POM121: variants seen among roughly 807,000 people sequenced by gnomAD.
POM121 encodes POM121 transmembrane nucleoporin.
A neutral mutation model predicts 81.3 loss-of-function variants in POM121; 32 were observed. The observed-to-expected ratio is 0.39, with a 90% CI of 0.30 to 0.53. POM121 has a LOEUF of 0.53. Ranked by LOEUF, POM121 falls within the 20% of genes least tolerant of loss-of-function variation. The pLI, the probability that POM121 is intolerant of heterozygous loss-of-function variation, is 0.66. For synonymous variants in POM121, 514 were observed against 694.2 expected, an observed-to-expected ratio of 0.74 and a Z score of 4.08; for missense variants, 1,138 against 1,614.6, an observed-to-expected ratio of 0.70 and a Z score of 5.06.
At chr7:72,899,699 C>T (rs1259365726) in intron 3 of POM121, among the ~76,000 whole-genome samples, 6 of 151,862 alleles carry the variant, frequency 4.0e-5, no homozygotes, top group Non-Finnish European at 8.8e-5. Flanking sequence ...CTGCCTCAGC[C>T]TCCCAAGTAG....
intron 4 of POM121, among the ~76,000 whole-genome samples, chr7:72,914,554 TGTAGAGATAGGGTCTCGCC>T (rs1434224127): frequency 3.3e-5 from 5 of 149,994 alleles, no homozygotes; most frequent in African/African-American, 1.0e-4. Flanking sequence ...AGGGTCTCGC[TGTAGAGATAGGGTCTCGCC>T]GTATTGCTGA....
At position 72,925,465 on chromosome 7, in the gene POM121, C is replaced by G; in HGVS notation, c.344C>G (p.Ala115Gly). 1.3e-6 allele frequency: 2 copies of G among 1,533,804 alleles called. No individual in the cohort carries two copies. The highest frequency in any genetic ancestry group is 8.7e-7 in the Non-Finnish European group (1 of 1,146,580). ...LFASPLAKST[A>G]NGNLLEPRTL... Reference sequence around the variant, plus strand: ...GCTTCGCCTCTGGCCAAGTCGACAGCCAACGGAAACCTCCTAGAGCCGCGG... The same window carrying G: ...GCTTCGCCTCTGGCCAAGTCGACAGGCAACGGAAACCTCCTAGAGCCGCGG... The change falls in exon 1 of 13, where the codon GCC becomes GGC. Residue 115 changes from alanine to glycine, a missense_variant. By Grantham distance (60) the Ala-to-Gly change is moderately conservative (BLOSUM62 0). Around this residue, in one of 7 missense-constraint regions of POM121, gnomAD observed 646 missense variants for 633.5 expected, o/e 1.02. Coordinates refer to ENST00000434423, the MANE Select transcript of POM121 (RefSeq NM_001387691.1).
At chr7:72,882,526 T>C (rs549021787) in intron 1 of POM121, among the ~76,000 whole-genome samples, 2 of 152,354 alleles carry the variant, frequency 1.3e-5, no homozygotes, top group East Asian at 3.9e-4. Context: ...ATTAAATTGC[T>C]GACTTATGGC....
At chr7:72,910,415 G>A (rs1380847898) in intron 3 of POM121, among the ~76,000 whole-genome samples, 3 of 152,140 alleles carry the variant, frequency 2.0e-5, no homozygotes, top group African/African-American at 4.8e-5. Flanking sequence ...AATATTCTGC[G>A]GTGGGTGGGA....
chr7:72,914,570 C>T (rs1239091322), intron 4 of POM121, among the ~76,000 whole-genome samples: 3 of 150,244 alleles, frequency 2.0e-5, no homozygotes, highest in Non-Finnish European at 2.9e-5. Context: ...GATAGGGTCT[C>T]GCCGTATTGC....
chr7:72,936,433 A>G (rs1796512793), intron 5 of POM121, among the ~76,000 whole-genome samples: 1 of 149,986 alleles, frequency 6.7e-6, no homozygotes, highest in South Asian at 2.1e-4. Context: ...ACCTGCCACC[A>G]CACCCGGCTA....
chr7:72,945,794 G>A (rs237934), intron 12 of POM121, 86 bp downstream of exon 12: 19 of 1,517,226 alleles, frequency 1.3e-5, no homozygotes, highest in South Asian at 5.1e-5. Context: ...TCTGAGGCCC[G>A]GTGAAGATCA....
chr7:72,922,991 C>G (rs1794959856), upstream of POM121, among the ~76,000 whole-genome samples: 1 of 151,914 alleles, frequency 6.6e-6, no homozygotes, highest in Non-Finnish European at 1.5e-5. Context: ...AGTAGGGAGT[C>G]TGCAGTCACT....
At chr7:72,934,179 G>C (rs1389776754) in intron 5 of POM121, among the ~76,000 whole-genome samples, 1 of 151,866 alleles carries the variant, frequency 6.6e-6, no homozygotes, top group Admixed American at 6.6e-5. Context: ...CCACCTCCTG[G>C]GTTCAAGCAA....
intron 1 of POM121, among the ~76,000 whole-genome samples, chr7:72,883,374 A>G (rs1790357557): frequency 6.6e-6 from 1 of 152,200 alleles, no homozygotes; most frequent in African/African-American, 2.4e-5. Flanking sequence ...GGCTGGTCTC[A>G]AACTCCTGGC....
rs1797722116 is a variant in POM121, at chr7:72,946,707, T to C, written c.*473T>C. 4 of 972,180 alleles carry C rather than the reference T, an allele frequency of 4.1e-6. No individual in the cohort carries two copies. The highest frequency in any genetic ancestry group is 1.9e-5 in the African/African-American group (1 of 52,940). The allele number at this position is 972,180 out of a possible 1,614,324, so 60.2% of individuals were successfully genotyped here. A position where few individuals can be genotyped will look rare whatever the true frequency, so the allele number is the denominator to read the frequency against. ...GGCTTAGCTGTGAGAAGTGGTTCTC[T>C]TCCTCTGGTCCCTTCTGGGGACTCT... On this transcript the variant is annotated 3_prime_UTR_variant, in exon 13 of 13. Coordinates refer to ENST00000434423, the MANE Select transcript of POM121 (RefSeq NM_001387691.1).
chr7:72,919,948 G>C (rs1165250268), intron 4 of POM121, among the ~76,000 whole-genome samples: 2 of 152,122 alleles, frequency 1.3e-5, no homozygotes, highest in African/African-American at 2.4e-5. Flanking sequence ...AACATGTACT[G>C]TTTTCCCAGC....
chr7:72,887,575 G>GCAA (rs1397508723), intron 1 of POM121, among the ~76,000 whole-genome samples: 1 of 152,134 alleles, frequency 6.6e-6, no homozygotes, highest in Admixed American at 6.6e-5. Context: ...TGTAATCACA[G>GCAA]CAACAACAAC....
At position 72,928,438 on chromosome 7, in the gene POM121, A is replaced by G. The variant is rs147859349; in HGVS notation, c.1076A>G (p.Asn359Ser). 71 of 1,614,254 alleles carry G rather than the reference A, an allele frequency of 4.4e-5. 1 individual carries two copies. Among genetic ancestry groups the G allele is most frequent in the South Asian group, 9.9e-5 (9 of 91,084 alleles). ...GHSAFEPLVANGVPASFVPKP... is the reference protein window; with the variant it reads ...GHSAFEPLVASGVPASFVPKP... ...TCAGCATTTGAGCCCCTGGTGGCCA[A>G]TGGAGTCCCCGCTTCTTTTGTGCCT... Residue 359 changes from asparagine to serine, a missense_variant, in exon 4 of 13, where the codon AAT becomes AGT. Coordinates refer to ENST00000434423, the MANE Select transcript of POM121 (RefSeq NM_001387691.1).
intron 3 of POM121, among the ~76,000 whole-genome samples, chr7:72,908,447 G>T (rs1424381893): frequency 6.6e-6 from 1 of 152,156 alleles, no homozygotes; most frequent in Non-Finnish European, 1.5e-5. Context: ...GAGGCAGGGC[G>T]AGATCACAGG....
chr7:72,908,683 C>G (rs1284327736), intron 3 of POM121, among the ~76,000 whole-genome samples: 2 of 152,142 alleles, frequency 1.3e-5, no homozygotes, highest in African/African-American at 4.8e-5. Flanking sequence ...TTAGAGCCCT[C>G]CCCCTAGGAA....
chr7:72,917,686 C>G (rs1336348581), intron 4 of POM121, among the ~76,000 whole-genome samples: 1 of 152,152 alleles, frequency 6.6e-6, no homozygotes, highest in African/African-American at 2.4e-5. Flanking sequence ...GCTGCAGGGA[C>G]CAGCCCCACA....
At chr7:72,910,433 C>T (rs535704167) in intron 3 of POM121, among the ~76,000 whole-genome samples, 11 of 152,144 alleles carry the variant, frequency 7.2e-5, no homozygotes, top group South Asian at 2.1e-4. Flanking sequence ...GGACGGGGAA[C>T]GGGAAATGGG....
chr7:72,927,998 T>G (rs1795635304), intron 3 of POM121, among the ~76,000 whole-genome samples: 1 of 151,978 alleles, frequency 6.6e-6, no homozygotes, highest in Non-Finnish European at 1.5e-5. Flanking sequence ...TGGAGCCCAG[T>G]TGCTCAAGAC....
Sources: gnomAD v4.1 joint callset for allele counts (sites outside exome capture counted in the v4.1 genomes callset) on GRCh38, gnomAD v4.1.1 for gene constraint, gnomAD v4.1.1 regional missense constraint, MANE v1.5 for transcripts, NCBI Gene and HGNC (gene_info 2026-07-23, HGNC 2026-07-21) for gene names.